DOCK4: variants seen among roughly 807,000 people sequenced by gnomAD.
DOCK4 encodes dedicator of cytokinesis 4.
In DOCK4, 97 loss-of-function variants were observed where a neutral mutation model predicts 268.1. The ratio of observed to expected loss-of-function variants is 0.36; its 90% CI spans 0.31 to 0.43. DOCK4 has a LOEUF of 0.43. Ranked by LOEUF, DOCK4 falls within the 20% of genes least tolerant of loss-of-function variation. The pLI, the probability that DOCK4 is intolerant of heterozygous loss-of-function variation, is 1.00. For synonymous variants in DOCK4, 954 were observed against 887.2 expected (o/e 1.08, Z -1.34); for missense variants, 2,145 against 2,455.7 (o/e 0.87, Z 2.67).
At chr7:112,179,526 GT>G (rs57154206) in intron 1 of DOCK4, among the ~76,000 whole-genome samples, 43,447 of 145,180 alleles carry the variant, frequency 0.3, 9,310 homozygotes, top group African/African-American at 0.6. Flanking sequence ...TTGTTTTTTT[GT>G]TTTTTTTTTT....
chr7:112,063,760 AAGAT>A (rs1806664738), intron 1 of DOCK4, among the ~76,000 whole-genome samples: 1 of 152,204 alleles, frequency 6.6e-6, no homozygotes, highest in South Asian at 2.1e-4. Flanking sequence ...GTACCCCTCA[AAGAT>A]GTAAAAGACA....
chr7:111,980,431 T>G (rs555007787), intron 7 of DOCK4, among the ~76,000 whole-genome samples: 3 of 152,362 alleles, frequency 2.0e-5, no homozygotes, highest in East Asian at 3.9e-4. Flanking sequence ...TCAGTTACTC[T>G]AACTGTGCTT....
At chr7:111,907,053 G>A (rs1467801443) in intron 13 of DOCK4, among the ~76,000 whole-genome samples, 3 of 152,158 alleles carry the variant, frequency 2.0e-5, no homozygotes, top group Non-Finnish European at 2.9e-5. Flanking sequence ...GGAGGAGGAA[G>A]GAATGGGAGC....
intron 44 of DOCK4, 50 bp from the exon 45 acceptor site, chr7:111,742,182 C>T: frequency 6.6e-7 from 1 of 1,514,100 alleles, no homozygotes; most frequent in Non-Finnish European, 8.8e-7. Flanking sequence ...CTACCTCTCA[C>T]TAAGTGCCTG....
At chr7:111,988,114 T>C (rs40385) in intron 6 of DOCK4, among the ~76,000 whole-genome samples, 34 of 152,330 alleles carry the variant, frequency 2.2e-4, no homozygotes, top group Non-Finnish European at 4.4e-4. Context: ...AATTTACCCA[T>C]GGTTCACTTC....
chr7:111,867,308 T>C (rs1464086291), intron 22 of DOCK4, among the ~76,000 whole-genome samples: 1 of 152,222 alleles, frequency 6.6e-6, no homozygotes, highest in Non-Finnish European at 1.5e-5. Context: ...AAGAGGCTGC[T>C]TCTCCTTCTG....
intron 51 of DOCK4, among the ~76,000 whole-genome samples, chr7:111,733,687 T>C (rs1445161788): frequency 6.6e-6 from 1 of 152,178 alleles, no homozygotes; most frequent in Non-Finnish European, 1.5e-5. Context: ...AAAAATGCTT[T>C]TCAGGTTCTC....
At chr7:112,172,246 T>C (rs1818151685) in intron 1 of DOCK4, among the ~76,000 whole-genome samples, 1 of 152,212 alleles carries the variant, frequency 6.6e-6, no homozygotes, top group Admixed American at 6.5e-5. Flanking sequence ...AAATATCCTC[T>C]ACCTAGAAGG....
intron 1 of DOCK4, among the ~76,000 whole-genome samples, chr7:112,058,199 T>G (rs1806023701): frequency 6.6e-6 from 1 of 152,106 alleles, no homozygotes; most frequent in South Asian, 2.1e-4. Flanking sequence ...TGCCCTATTT[T>G]TATTCGTTTC....
chr7:111,989,672 G>T (rs373275883), intron 5 of DOCK4, among the ~76,000 whole-genome samples: 4 of 152,290 alleles, frequency 2.6e-5, no homozygotes, highest in African/African-American at 9.6e-5. Flanking sequence ...TTCATTGATG[G>T]ATATGCACTG....
chr7:112,086,817 A>G lies in DOCK4; in HGVS notation c.38-82686T>C, dbSNP rs763052668. 6.4e-4 allele frequency among the ~76,000 whole-genome samples: 97 copies of G among 152,280 alleles called. 1 individual carries two copies. The highest frequency in any genetic ancestry group is 6.8e-3 in the Middle Eastern group (2 of 294). On this transcript the variant is annotated intron_variant, in intron 1 of 52. Coordinates refer to ENST00000428084, the MANE Select transcript of DOCK4 (RefSeq NM_001363540.2). ...GCACATGTAGGGGAATTAAACAGTAACCAAGGATTGGAAGGGAATTTTGTC... is the reference window on the plus strand; with the variant it reads ...GCACATGTAGGGGAATTAAACAGTAGCCAAGGATTGGAAGGGAATTTTGTC...
chr7:112,053,834 G>A (rs1164949712), intron 1 of DOCK4, among the ~76,000 whole-genome samples: 2 of 152,162 alleles, frequency 1.3e-5, no homozygotes, highest in East Asian at 1.9e-4. Flanking sequence ...AAGCACACAG[G>A]TGAGGAGTAG....
rs188362165 is a variant in DOCK4, at chr7:112,021,908, C to T, written c.38-17777G>A. Among the ~76,000 whole-genome samples, 265 of 152,260 alleles carry T rather than the reference C, an allele frequency of 1.7e-3. 1 individual carries two copies. Among genetic ancestry groups the T allele is most frequent in the African/African-American group, 6.1e-3 (253 of 41,542 alleles). ...GACTACAGAGTAGGCCCAGTACAAACCCCAGAAAGCTCAGTATCATGTGAA... is the reference window on the plus strand; with the variant it reads ...GACTACAGAGTAGGCCCAGTACAAATCCCAGAAAGCTCAGTATCATGTGAA... On this transcript the variant is annotated intron_variant, in intron 1 of 52. Transcript: ENST00000428084.
intron 4 of DOCK4, among the ~76,000 whole-genome samples, chr7:111,996,887 T>G (rs1800007972): frequency 6.6e-6 from 1 of 152,258 alleles, no homozygotes; most frequent in Admixed American, 6.5e-5. Context: ...GGAGAGATGC[T>G]TGACATCATC....
chr7:111,729,879 G>A (rs1287757666), intron 52 of DOCK4, among the ~76,000 whole-genome samples: 1 of 152,216 alleles, frequency 6.6e-6, no homozygotes, highest in Non-Finnish European at 1.5e-5. Context: ...CCTGTGATGT[G>A]AGCTGTTTCC....
At position 112,011,335 on chromosome 7, in the gene DOCK4, G is replaced by A. The variant is rs563844093; in HGVS notation, c.38-7204C>T. 6.6e-5 allele frequency among the ~76,000 whole-genome samples: 10 copies of A among 152,238 alleles called. No homozygotes were observed. In the South Asian group the frequency reaches 2.1e-3, roughly 32 times the overall value. On this transcript the variant is annotated intron_variant, in intron 1 of 52. Transcript: ENST00000428084. Reference sequence around the variant, plus strand: ...TCCATCTCAGGGTCTGCTTCCTGAGGGGCTCAGCCTCTTACAAGCTTTCAA... The same window carrying A: ...TCCATCTCAGGGTCTGCTTCCTGAGAGGCTCAGCCTCTTACAAGCTTTCAA...
intron 1 of DOCK4, among the ~76,000 whole-genome samples, chr7:112,037,765 C>T (rs1803948730): frequency 6.6e-6 from 1 of 152,086 alleles, no homozygotes; most frequent in African/African-American, 2.4e-5. Context: ...TGAATAAATA[C>T]CAGCAGAATT....
chr7:111,739,460 T>C lies in DOCK4; in HGVS notation c.5058A>G (p.Ser1686=). Residue 1686 remains serine, a synonymous_variant, in exon 48 of 53, where the codon TCA becomes TCG. Transcript: ENST00000428084. ...VFNMQPSPST[S]SLSSTHSASP... Reference sequence around the variant, plus strand: ...AAGCCGAGTGAGTAGAACTCAAGCTTGAGGTAGATGGACTTGGCTGGAAAC... The same window carrying C: ...AAGCCGAGTGAGTAGAACTCAAGCTCGAGGTAGATGGACTTGGCTGGAAAC... The C allele has an allele frequency of 6.4e-7, 1 of 1,569,106 alleles. No individual in the cohort carries two copies. The highest frequency in any genetic ancestry group is 1.2e-5 in the South Asian group (1 of 85,196).
intron 39 of DOCK4, among the ~76,000 whole-genome samples, chr7:111,764,872 A>C (rs577051956): frequency 6.6e-6 from 1 of 152,010 alleles, no homozygotes; most frequent in African/African-American, 2.4e-5. Context: ...GGTATCAGAC[A>C]AGGGAAACTA....
Sources: allele counts gnomAD v4.1 joint callset (sites outside exome capture counted in the v4.1 genomes callset), GRCh38; gene constraint gnomAD v4.1.1; transcripts MANE v1.5; gene names NCBI Gene and HGNC (gene_info 2026-07-23, HGNC 2026-07-21).